The following SBNO2 variants were observed in gnomAD, a reference collection of about 807,000 sequenced individuals.
SBNO2 encodes strawberry notch homolog 2, also known as protein strawberry notch homolog 2.
Under a neutral mutation model 146.3 loss-of-function variants are expected in SBNO2, and 89 were observed. The ratio of observed to expected loss-of-function variants is 0.61; its 90% confidence interval spans 0.51 to 0.73. The LOEUF is 0.73. Among genes scored for constraint, SBNO2 ranks in the 30% least tolerant of loss-of-function variants. The pLI is 0.00. For missense variants in SBNO2, 2,092 were observed against 2,003.7 expected, an observed-to-expected ratio of 1.04 and a Z score of -0.84; for synonymous variants, 1,147 against 892.6, an observed-to-expected ratio of 1.29 and a Z score of -5.08.
At chr19:1,151,111 G>A (rs1373940441) in intron 2 of SBNO2, among the ~76,000 whole-genome samples, 3 of 152,246 alleles carry the variant, frequency 2.0e-5, no homozygotes, top group African/African-American at 7.2e-5. Flanking sequence ...TGGGAAGAGA[G>A]AAAGCCAGCC....
At chr19:1,168,160 G>A (rs1423645701) in intron 1 of SBNO2, among the ~76,000 whole-genome samples, 1 of 152,104 alleles carries the variant, frequency 6.6e-6, no homozygotes, top group Admixed American at 6.5e-5. Flanking sequence ...TTCCAAAGTC[G>A]GCAAGCAATT....
chr19:1,138,635 G>A (rs972177738), intron 4 of SBNO2, among the ~76,000 whole-genome samples: 2 of 151,884 alleles, frequency 1.3e-5, no homozygotes, highest in Admixed American at 1.3e-4. Context: ...CGGACACACA[G>A]ACAGACACAG....
At chr19:1,170,699 C>G (rs972400748) in intron 1 of SBNO2, among the ~76,000 whole-genome samples, 1 of 152,104 alleles carries the variant, frequency 6.6e-6, no homozygotes, top group Admixed American at 6.5e-5. Context: ...AAGACATGCA[C>G]AAGCAGGGGT....
chr19:1,154,128 C>A (rs113354149), intron 2 of SBNO2, 56 bp downstream of exon 2: 2 of 873,400 alleles, frequency 2.3e-6, no homozygotes, highest in South Asian at 5.7e-5. Flanking sequence ...GCACTCGGAG[C>A]GGGGCAAGTG....
chr19:1,133,220 A>C (rs1280481777), intron 4 of SBNO2, among the ~76,000 whole-genome samples: 1 of 150,740 alleles, frequency 6.6e-6, no homozygotes, highest in African/African-American at 2.5e-5. Context: ...CGCATTGCCC[A>C]CGAGACCGCG....
At chr19:1,121,435 T>C (rs1194288591) in intron 11 of SBNO2, among the ~76,000 whole-genome samples, 2 of 152,198 alleles carry the variant, frequency 1.3e-5, no homozygotes, top group East Asian at 3.9e-4. Context: ...CGGCGTTAAC[T>C]GAACAGCAAA....
chr19:1,116,696 G>C (rs2079836015), intron 16 of SBNO2, 133 bp downstream of exon 16: 1 of 708,860 alleles, frequency 1.4e-6, no homozygotes, highest in Non-Finnish European at 2.3e-6. Context: ...GCTGAGGCTG[G>C]GGGCCCAGCA....
chr19:1,110,433 C>T lies in SBNO2; in HGVS notation c.3028+312G>A, dbSNP rs938867856. Among the ~76,000 whole-genome samples the T allele has an allele frequency of 2.0e-5, 3 of 152,300 alleles. No homozygotes were observed. The highest frequency in any genetic ancestry group is 4.4e-5 in the Non-Finnish European group (3 of 68,016). On this transcript the variant is annotated intron_variant, in intron 26 of 31. Coordinates refer to ENST00000361757, the MANE Select transcript of SBNO2 (RefSeq NM_014963.3). This position sits in a 1 kb window ranked among gnomAD's most constrained non-coding sequence, Gnocchi z 4.9. The stretch of plus-strand genomic sequence containing the variant: ...GGTGATCCCACGAGCCCTGTGCCTG[C>T]ATCCGCCCAGTCTCACCCAGTACCC...
In SBNO2 at chr19:1,113,438, A is replaced by G; in HGVS notation, c.2247+97T>C. On this transcript the variant is annotated intron_variant, in intron 19 of 31. Coordinates refer to ENST00000361757, the MANE Select transcript of SBNO2 (RefSeq NM_014963.3). Reference sequence around the variant, plus strand: ...CGCAGGGCCGCGGAGACGCAGAGTGACCAGCAGGGGCCACCAGAGCTGCAC... The same window carrying G: ...CGCAGGGCCGCGGAGACGCAGAGTGGCCAGCAGGGGCCACCAGAGCTGCAC... 3 of 1,101,478 alleles carry G rather than the reference A, an allele frequency of 2.7e-6. No individual in the cohort carries two copies. The South Asian group carries it at 4.6e-5, about 17-fold the overall frequency. The allele number at this position is 1,101,478 out of a possible 1,614,324, so 68.2% of individuals were successfully genotyped here.
Position 1,112,515 on chromosome 19 carries a change from G to A in SBNO2, c.2402C>T (p.Ala801Val), listed in dbSNP as rs2079777277. 1 of 1,603,998 alleles carries A rather than the reference G, an allele frequency of 6.2e-7. No homozygotes were observed. The highest frequency in any genetic ancestry group is 8.5e-7 in the Non-Finnish European group (1 of 1,177,928). The change falls in exon 21 of 32, where the codon GCC becomes GTC. Residue 801 changes from alanine to valine, a missense_variant. Transcript: ENST00000361757. The surrounding 1 kb of genome is among the most constrained non-coding windows in gnomAD (Gnocchi z 5.9). ...GEKLVAIISE[A>V]SSSGVSLQAD... Reference sequence around the variant, plus strand: ...TTGGAGGGAGACACCCGAGCTGGAGGCCTCCGAGATGATGGCCACGAGCTA... The same window carrying A: ...TTGGAGGGAGACACCCGAGCTGGAGACCTCCGAGATGATGGCCACGAGCTA...
intron 1 of SBNO2, among the ~76,000 whole-genome samples, chr19:1,167,034 G>T (rs1481058430): frequency 3.9e-5 from 6 of 152,244 alleles, no homozygotes; most frequent in Non-Finnish European, 7.3e-5. Flanking sequence ...ACCTGCATCC[G>T]AGCCCTGAGG....
At chr19:1,149,978 C>G (rs576755910) in intron 2 of SBNO2, among the ~76,000 whole-genome samples, 1 of 152,164 alleles carries the variant, frequency 6.6e-6, no homozygotes, top group Non-Finnish European at 1.5e-5. Context: ...CAGGCTGCTG[C>G]GGGACGGGGC....
chr19:1,127,598 A>T lies in SBNO2; in HGVS notation c.441+6T>A. 1 of 1,611,456 alleles carries T rather than the reference A, an allele frequency of 6.2e-7. No homozygotes were observed. Among genetic ancestry groups the T allele is most frequent in the Non-Finnish European group, 8.5e-7 (1 of 1,179,592 alleles). ...GGGGCTGGCTGGGGGCACCGGGCGC[A>T]CTGACCTTATCGTGGGTGGAGGGGG... On this transcript the variant is annotated splice_donor_region_variant and intron_variant, in intron 5 of 31. Coordinates refer to ENST00000361757, the MANE Select transcript of SBNO2 (RefSeq NM_014963.3).
rs1292036347 is a variant in SBNO2 at position 1,157,933 on chromosome 19, C to T, written c.-126-3531G>A. 6.6e-6 allele frequency among the ~76,000 whole-genome samples: 1 copy of T among 151,020 alleles called. No individual in the cohort carries two copies. Among genetic ancestry groups the T allele is most frequent in the Non-Finnish European group, 1.5e-5 (1 of 67,770 alleles). ...TAACTGTCCGCCTCCCAGCTCTCTC[C>T]TGAGTCCGGATAACTGTCCGCCTCC... is the stretch of plus-strand genomic sequence containing the variant. On this transcript the variant is annotated intron_variant, in intron 1 of 31. Transcript: ENST00000361757. The surrounding 1 kb of genome is among the most constrained non-coding windows in gnomAD (Gnocchi z 6.8).
intron 4 of SBNO2, chr19:1,131,997 G>C: frequency 1.1e-6 from 1 of 923,304 alleles, no homozygotes; most frequent in Non-Finnish European, 1.5e-6. Flanking sequence ...GATGCCGGCT[G>C]CTCCGGCAGG....
intron 7 of SBNO2, among the ~76,000 whole-genome samples, 187 bp from the exon 8 acceptor site, chr19:1,123,232 T>A (rs2079925870): frequency 6.6e-6 from 1 of 151,436 alleles, no homozygotes; most frequent in Admixed American, 6.6e-5. Flanking sequence ...TGGTCAGGGC[T>A]GGCCGGGTCG....
Position 1,140,333 on chromosome 19 carries a change from C to T in SBNO2, c.279+6976G>A, listed in dbSNP as rs1489461496. Among the ~76,000 whole-genome samples, 1 of 152,048 alleles carries T rather than the reference C, an allele frequency of 6.6e-6. No individual in the cohort carries two copies. The highest frequency in any genetic ancestry group is 2.4e-5 in the African/African-American group (1 of 41,402). On this transcript the variant is annotated intron_variant, in intron 4 of 31. Transcript: ENST00000361757. This position sits in a 1 kb window ranked among gnomAD's most constrained non-coding sequence, Gnocchi z 4.4. Reference sequence around the variant, plus strand: ...AAAAAAAGCAGCAGCAACACAGAGCCACGTGTCCACAGAACCACGGTTCAC... The same window carrying T: ...AAAAAAAGCAGCAGCAACACAGAGCTACGTGTCCACAGAACCACGGTTCAC...
rs1255492299 is a variant in SBNO2, at chr19:1,127,649, C to A, written c.396G>T (p.Val132=). 5 of 1,613,350 alleles carry A rather than the reference C, an allele frequency of 3.1e-6. No individual in the cohort carries two copies. In the Admixed American group the frequency reaches 8.3e-5, roughly 27 times the overall value. Residue 132 remains valine (V), a synonymous_variant, in exon 5 of 32, where the codon GTG becomes GTT. Transcript: ENST00000361757. ...CAGGGTTATCGTCCCAGATGGTGGA[C>A]ACCTGGTTGAGGCTGTCAGCCGGCA... ...DFLPADSLNQ[V]STIWDDNPAP...
intron 4 of SBNO2, among the ~76,000 whole-genome samples, chr19:1,131,870 G>A (rs779405239): frequency 2.6e-5 from 4 of 152,318 alleles, no homozygotes; most frequent in East Asian, 1.9e-4. Flanking sequence ...CTCCCAGCCC[G>A]AAGTCTTAAA....
Sources: allele counts gnomAD v4.1 joint callset (sites outside exome capture counted in the v4.1 genomes callset), GRCh38; gene constraint gnomAD v4.1.1; non-coding constraint Gnocchi (gnomAD v3.1); transcripts MANE v1.5; gene names NCBI Gene and HGNC (gene_info 2026-07-23, HGNC 2026-07-21).